DNAJC13: variants seen among roughly 807,000 people sequenced by gnomAD.
DNAJC13 encodes DnaJ heat shock protein family (Hsp40) member C13, also known as dnaJ homolog subfamily C member 13.
In DNAJC13, 75 loss-of-function variants were observed where a neutral mutation model predicts 290.5. The observed-to-expected ratio is 0.26, with a 90% CI of 0.21 to 0.31. The LOEUF (loss-of-function observed/expected upper bound fraction) is 0.31. Ranked by LOEUF, DNAJC13 falls within the 10% of genes least tolerant of loss-of-function variation. DNAJC13 has a pLI of 1.00. For missense variants in DNAJC13, 2,260 were observed against 2,674.5 expected (o/e 0.85, Z 3.42); for synonymous variants, 862 against 892.0 (o/e 0.97, Z 0.60).
intron 53 of DNAJC13, among the ~76,000 whole-genome samples, chr3:132,527,077 G>T (rs1936281593): frequency 3.9e-5 from 6 of 152,128 alleles, no homozygotes; most frequent in Admixed American, 3.9e-4. Context: ...TTCAAAATTG[G>T]TAAGAGTAAA....
At chr3:132,475,163 A>C in intron 22 of DNAJC13, 78 bp downstream of exon 22, 15 of 1,113,294 alleles carry the variant, frequency 1.3e-5, no homozygotes, top group Non-Finnish European at 1.8e-5. Context: ...TTTTTAAAAA[A>C]ATTTGTAATT....
chr3:132,447,300 C>A, intron 3 of DNAJC13, 21 bp from the exon 4 acceptor site: 2 of 1,504,100 alleles, frequency 1.3e-6, no homozygotes, highest in South Asian at 2.7e-5. Flanking sequence ...TAGCACCAGT[C>A]AAAATTTTTT....
chr3:132,464,459 A>T lies in DNAJC13; in HGVS notation c.1892+642A>T, dbSNP rs186381748. Among the ~76,000 whole-genome samples, 172 of 152,342 alleles carry T rather than the reference A, an allele frequency of 1.1e-3. 1 individual carries two copies. Among genetic ancestry groups the T allele is most frequent in the African/African-American group, 4.0e-3 (166 of 41,584 alleles). On this transcript the variant is annotated intron_variant, in intron 17 of 55. Coordinates refer to ENST00000260818, the MANE Select transcript of DNAJC13 (RefSeq NM_015268.4). ...TATTATGACTCATATTAGTAAAAAC[A>T]GTATCATAAATAGTTTTAATTTTAT...
intron 55 of DNAJC13, among the ~76,000 whole-genome samples, chr3:132,533,583 G>T (rs545302541): frequency 1.3e-5 from 2 of 150,380 alleles, no homozygotes; most frequent in African/African-American, 5.0e-5. Context: ...TGATCCACCC[G>T]CCTCAAATGA....
At chr3:132,431,538 G>A (rs528479776) in intron 1 of DNAJC13, among the ~76,000 whole-genome samples, 72 of 152,158 alleles carry the variant, frequency 4.7e-4, no homozygotes, top group African/African-American at 1.7e-3. Flanking sequence ...ATAGTACAAA[G>A]GCTCTCGATA....
chr3:132,503,819 A>C (rs1448899832), intron 41 of DNAJC13, among the ~76,000 whole-genome samples: 1 of 152,216 alleles, frequency 6.6e-6, no homozygotes, highest in Non-Finnish European at 1.5e-5. Flanking sequence ...ATCTATGTAC[A>C]TACATAGATG....
chr3:132,452,703 G>A (rs1006958491), intron 6 of DNAJC13, among the ~76,000 whole-genome samples: 1 of 152,206 alleles, frequency 6.6e-6, no homozygotes, highest in African/African-American at 2.4e-5. Context: ...ACTGGTAAGT[G>A]TAATGAAAAT....
chr3:132,514,914 AGTTTGTT>A, intron 46 of DNAJC13: 4 of 169,632 alleles, frequency 2.4e-5, no homozygotes, highest in South Asian at 3.2e-4. Context: ...TGGGATTTTC[AGTTTGTT>A]GAGATCTACA....
At chr3:132,518,786 A>G (rs1191541818) in intron 48 of DNAJC13, among the ~76,000 whole-genome samples, 1 of 152,204 alleles carries the variant, frequency 6.6e-6, no homozygotes, top group Non-Finnish European at 1.5e-5. Context: ...GATCATAATC[A>G]ATTTTAGGTT....
intron 6 of DNAJC13, among the ~76,000 whole-genome samples, chr3:132,452,725 T>C (rs931071766): frequency 6.6e-6 from 1 of 152,206 alleles, no homozygotes; most frequent in Non-Finnish European, 1.5e-5. Context: ...TTCCAAATGC[T>C]GAAAAACTCT....
At chr3:132,455,098 G>A (rs1045903606) in intron 9 of DNAJC13, among the ~76,000 whole-genome samples, 1 of 151,652 alleles carries the variant, frequency 6.6e-6, no homozygotes, top group South Asian at 2.1e-4. Context: ...ATCGCAGGGA[G>A]AAAATCTTTG....
chr3:132,516,003 G>C (rs75699197), intron 46 of DNAJC13, among the ~76,000 whole-genome samples: 2 of 152,122 alleles, frequency 1.3e-5, no homozygotes, highest in South Asian at 4.1e-4. Context: ...AATGGAACCC[G>C]GTCTTACAAC....
chr3:132,535,194 G>A (rs1032979242), intron 55 of DNAJC13, among the ~76,000 whole-genome samples: 1 of 152,170 alleles, frequency 6.6e-6, no homozygotes, highest in African/African-American at 2.4e-5. Flanking sequence ...CTACTTCAAA[G>A]TAAGATAAAA....
At chr3:132,442,174 G>A (rs1215839737) in intron 2 of DNAJC13, among the ~76,000 whole-genome samples, 1 of 150,394 alleles carries the variant, frequency 6.6e-6, no homozygotes, top group Non-Finnish European at 1.5e-5. Flanking sequence ...GTTTTTTTGT[G>A]TGTGTGTCTT....
At chr3:132,505,474 A>G in intron 42 of DNAJC13, 59 bp downstream of exon 42, 1 of 1,119,794 alleles carries the variant, frequency 8.9e-7, no homozygotes, top group South Asian at 1.3e-5. Flanking sequence ...CTCTGGAAGT[A>G]CAGCAGTATT....
At chr3:132,520,008 T>G (rs561144240) in intron 48 of DNAJC13, among the ~76,000 whole-genome samples, 70 of 152,262 alleles carry the variant, frequency 4.6e-4, no homozygotes, top group African/African-American at 1.4e-3. Flanking sequence ...TCAGATCCCT[T>G]GAGACTTACT....
chr3:132,495,125 C>T lies in DNAJC13; in HGVS notation c.3979C>T (p.Leu1327Phe), dbSNP rs766753246. The change falls in exon 35 of 56, where the codon CTT (leucine) becomes TTT (phenylalanine). Residue 1327 changes from leucine to phenylalanine, a missense_variant. Around this residue, in one of 3 missense-constraint regions of DNAJC13, gnomAD observed 1,494 missense variants for 1,693.7 expected, o/e 0.88. Transcript: ENST00000260818. ...CAAGATTAGGAAAGCTTACTTCAGA[C>T]TTGCACAAAAGTACCACCCTGATAA... Reference protein sequence around the residue: ...ESKIRKAYFRLAQKYHPDKNP... With the variant: ...ESKIRKAYFRFAQKYHPDKNP... The T allele has an allele frequency of 6.2e-7, 1 of 1,613,542 alleles. No individual in the cohort carries two copies. The highest frequency in any genetic ancestry group is 8.5e-7 in the Non-Finnish European group (1 of 1,179,568).
intron 33 of DNAJC13, among the ~76,000 whole-genome samples, chr3:132,493,890 A>T (rs181554597): frequency 3.7e-4 from 56 of 152,286 alleles, no homozygotes; most frequent in African/African-American, 1.3e-3. Context: ...TTTGAAGCCT[A>T]ATACATAACA....
intron 19 of DNAJC13, 117 bp downstream of exon 19, chr3:132,466,511 TA>T: frequency 2.9e-6 from 2 of 685,496 alleles, no homozygotes; most frequent in Non-Finnish European, 4.4e-6. Context: ...CATTGAATAG[TA>T]TACTTAACTA....
Sources: allele counts gnomAD v4.1 joint callset (sites outside exome capture counted in the v4.1 genomes callset), GRCh38; gene constraint gnomAD v4.1.1; regional missense constraint gnomAD v4.1.1; transcripts MANE v1.5; gene names NCBI Gene and HGNC (gene_info 2026-07-23, HGNC 2026-07-21).